PAIP1: variants seen among roughly 807,000 people sequenced by gnomAD.
PAIP1 encodes poly(A) binding protein interacting protein 1.
Under a neutral mutation model 61.3 loss-of-function variants are expected in PAIP1, and 16 were observed. That is an observed-to-expected ratio of 0.26 (90% CI 0.18 to 0.40). The LOEUF is 0.40. Ranked by LOEUF, PAIP1 falls within the 10% of genes least tolerant of loss-of-function variation. The pLI, the probability that PAIP1 is intolerant of heterozygous loss-of-function variation, is 1.00. For missense variants in PAIP1, 416 were observed against 600.9 expected, an observed-to-expected ratio of 0.69 and a Z score of 3.22; for synonymous variants, 187 against 226.2, an observed-to-expected ratio of 0.83 and a Z score of 1.56.
intron 1 of PAIP1, 193 bp downstream of exon 1, chr5:43,556,389 C>A: frequency 8.1e-7 from 1 of 1,233,468 alleles, no homozygotes; most frequent in Non-Finnish European, 1.0e-6. Context: ...GCCAGGCGCA[C>A]AAAGGATTCC....
intron 2 of PAIP1, among the ~76,000 whole-genome samples, chr5:43,551,174 T>C (rs1412622022): frequency 3.3e-5 from 5 of 152,090 alleles, no homozygotes; most frequent in Non-Finnish European, 7.4e-5. Flanking sequence ...GGAAGGACCA[T>C]GCACCAACTT....
intron 3 of PAIP1, among the ~76,000 whole-genome samples, chr5:43,547,304 C>G (rs1006371793): frequency 6.6e-6 from 1 of 152,032 alleles, no homozygotes; most frequent in Non-Finnish European, 1.5e-5. Flanking sequence ...CTCCCCTACT[C>G]TAATACTACT....
At chr5:43,545,961 C>G (rs1479780781) in intron 3 of PAIP1, among the ~76,000 whole-genome samples, 2 of 151,920 alleles carry the variant, frequency 1.3e-5, no homozygotes, top group Non-Finnish European at 2.9e-5. Flanking sequence ...TTAGTAGAGA[C>G]AGGGTTTCTC....
chr5:43,539,532 C>T (rs977097240), intron 4 of PAIP1, among the ~76,000 whole-genome samples: 5 of 151,556 alleles, frequency 3.3e-5, no homozygotes, highest in African/African-American at 1.2e-4. Flanking sequence ...GTCCATTATT[C>T]TTGTAATTTC....
chr5:43,532,534 T>TA (rs1746982922), intron 9 of PAIP1, among the ~76,000 whole-genome samples: 1 of 152,026 alleles, frequency 6.6e-6, no homozygotes, highest in Non-Finnish European at 1.5e-5. Context: ...GACCTAAAAA[T>TA]AAAAAAGAAC....
At chr5:43,542,245 G>C (rs1182977654) in intron 4 of PAIP1, among the ~76,000 whole-genome samples, 3 of 147,342 alleles carry the variant, frequency 2.0e-5, no homozygotes, top group Non-Finnish European at 4.5e-5. Context: ...AAAAATGATA[G>C]CTTTTGGCAG....
At chr5:43,537,191 T>C (rs1374121231) in intron 5 of PAIP1, among the ~76,000 whole-genome samples, 1 of 152,224 alleles carries the variant, frequency 6.6e-6, no homozygotes, top group African/African-American at 2.4e-5. Context: ...CACTTTGATG[T>C]TACTACTTCA....
rs766875925 is a variant in PAIP1 at position 43,536,955 on chromosome 5, C to CA, written c.847-12dup. 182 of 1,540,684 alleles carry CA rather than the reference C, an allele frequency of 1.2e-4. No individual in the cohort carries two copies. The highest frequency in any genetic ancestry group is 3.5e-4 in the Middle Eastern group (2 of 5,792). On this transcript the variant is annotated splice_polypyrimidine_tract_variant and intron_variant, in intron 5 of 10. Transcript: ENST00000306846. ...ATTTGTTCCCTTGATCTTTCGGGAC[C>CA]AAAAAAAAGAACAAAAGGAATGATG...
intron 2 of PAIP1, among the ~76,000 whole-genome samples, chr5:43,552,399 C>T (rs1397603147): frequency 3.3e-5 from 5 of 152,162 alleles, no homozygotes; most frequent in Non-Finnish European, 7.4e-5. Context: ...GCCTAGAGTT[C>T]ACTAGAGTTC....
intron 2 of PAIP1, among the ~76,000 whole-genome samples, chr5:43,548,939 AAGAC>A (rs1480334690): frequency 6.6e-6 from 1 of 152,162 alleles, no homozygotes; most frequent in African/African-American, 2.4e-5. Flanking sequence ...ATGTTGGAGA[AAGAC>A]AGTCTTTTTT....
At chr5:43,545,107 T>A (rs940134147) in intron 3 of PAIP1, among the ~76,000 whole-genome samples, 1 of 152,220 alleles carries the variant, frequency 6.6e-6, no homozygotes, top group African/African-American at 2.4e-5. Flanking sequence ...CTAGATTCAG[T>A]TTTTACTACA....
intron 2 of PAIP1, among the ~76,000 whole-genome samples, chr5:43,551,763 A>G (rs1347361187): frequency 1.8e-4 from 15 of 84,742 alleles, no homozygotes; most frequent in Admixed American, 1.6e-3. Flanking sequence ...TTTTTTTTTT[A>G]AAGTCAACAG....
rs919313198 is a variant in PAIP1, at chr5:43,535,676, A to C, written c.973-36T>G. ...AGGTGTCAGTAAAATAAGAAATTCA[A>C]TAGTGTATTATAGAAATTCTAAAAA... On this transcript the variant is annotated intron_variant, in intron 6 of 10. Coordinates refer to ENST00000306846, the MANE Select transcript of PAIP1 (RefSeq NM_006451.5). 5.6e-6 allele frequency: 6 copies of C among 1,073,118 alleles called. No homozygotes were observed. In the African/African-American group the frequency reaches 9.4e-5, roughly 17 times the overall value. The allele number at this position is 1,073,118 out of a possible 1,614,324, so 66.5% of individuals were successfully genotyped here. A position where few individuals can be genotyped will look rare whatever the true frequency, so the allele number is the denominator to read the frequency against.
At chr5:43,546,931 T>A (rs1747658875) in intron 3 of PAIP1, among the ~76,000 whole-genome samples, 3 of 149,302 alleles carry the variant, frequency 2.0e-5, no homozygotes, top group Middle Eastern at 3.2e-3. Context: ...TAATCTCAGC[T>A]ACCTGGGAGA....
intron 5 of PAIP1, among the ~76,000 whole-genome samples, chr5:43,538,160 T>C (rs1373956555): frequency 6.6e-6 from 1 of 152,058 alleles, no homozygotes; most frequent in Non-Finnish European, 1.5e-5. Context: ...CATTTTTATG[T>C]GGAAGATTAA....
At chr5:43,544,818 G>A (rs1034995718) in intron 3 of PAIP1, among the ~76,000 whole-genome samples, 1 of 152,204 alleles carries the variant, frequency 6.6e-6, no homozygotes, top group South Asian at 2.1e-4. Flanking sequence ...AATATACTTA[G>A]GTACCCTCCC....
intron 1 of PAIP1, 102 bp downstream of exon 1, chr5:43,556,480 G>T (rs1386498280): frequency 3.3e-6 from 4 of 1,198,954 alleles, no homozygotes; most frequent in Non-Finnish European, 3.1e-6. Flanking sequence ...TCGGGGAACC[G>T]GGGGTGGGGA....
intron 2 of PAIP1, 94 bp downstream of exon 2, chr5:43,555,736 G>C (rs1748031324): frequency 2.7e-6 from 3 of 1,109,322 alleles, no homozygotes; most frequent in Non-Finnish European, 3.8e-6. Flanking sequence ...TTTACGTGTA[G>C]TACAGAAAGC....
At chr5:43,557,158 G>C (rs1748133634), upstream of PAIP1, 1 of 283,656 alleles carries the variant, frequency 3.5e-6, no homozygotes, top group Non-Finnish European at 6.2e-6. Flanking sequence ...GCGGCCCGGA[G>C]GCCCGGGACG....
Sources: allele counts gnomAD v4.1 joint callset (sites outside exome capture counted in the v4.1 genomes callset), GRCh38; gene constraint gnomAD v4.1.1; transcripts MANE v1.5; gene names NCBI Gene and HGNC (gene_info 2026-07-23, HGNC 2026-07-21).